The following GRID2IP variants were observed in gnomAD, a reference collection of about 807,000 sequenced individuals.
GRID2IP encodes the protein delphilin.
A neutral mutation model predicts 114.3 loss-of-function variants in GRID2IP; 78 were observed. The observed-to-expected ratio is 0.68, with a 90% confidence interval of 0.57 to 0.82. The LOEUF (loss-of-function observed/expected upper bound fraction) is 0.82. Among genes scored for constraint, GRID2IP ranks in the 40% least tolerant of loss-of-function variants. GRID2IP has a pLI of 0.00. For missense variants in GRID2IP, 1,727 were observed against 1,678.5 expected, an observed-to-expected ratio of 1.03 and a Z score of -0.51; for synonymous variants, 809 against 724.0, an observed-to-expected ratio of 1.12 and a Z score of -1.89.
Position 6,526,099 on chromosome 7 carries a change from C to T in GRID2IP, c.919+125G>A. The T allele has an allele frequency of 1.4e-6, 1 of 712,464 alleles. No individual in the cohort carries two copies. The highest frequency in any genetic ancestry group is 1.6e-5 in the South Asian group (1 of 63,826). The allele number at this position is 712,464 out of a possible 1,614,324, so 44.1% of individuals were successfully genotyped here. ...GGACACGGTCTACACAAGGATGGTACCTGACGTGGAGGGGTTGCTGAGCAG... is the reference window on the plus strand; with the variant it reads ...GGACACGGTCTACACAAGGATGGTATCTGACGTGGAGGGGTTGCTGAGCAG... On this transcript the variant is annotated intron_variant, in intron 4 of 21. Coordinates refer to ENST00000457091, the MANE Select transcript of GRID2IP (RefSeq NM_001145118.2). This position sits in a 1 kb window ranked among gnomAD's most constrained non-coding sequence, Gnocchi z 7.6.
chr7:6,540,253 C>T (rs1779792918), intron 1 of GRID2IP, among the ~76,000 whole-genome samples: 1 of 151,966 alleles, frequency 6.6e-6, no homozygotes, highest in South Asian at 2.1e-4. Context: ...GCTGGGATTA[C>T]AGGCATGCGC....
intron 20 of GRID2IP, among the ~76,000 whole-genome samples, chr7:6,500,963 A>C (rs1242539077): frequency 6.6e-6 from 1 of 152,228 alleles, no homozygotes; most frequent in Admixed American, 6.5e-5. Context: ...TCTGGGCTCC[A>C]CTGCCCCAGA....
chr7:6,521,861 C>A lies in GRID2IP; in HGVS notation c.989+27G>T, dbSNP rs1779418868. Reference sequence around the variant, plus strand: ...GGGGGTGGGGGCAGCTCCTCACCAACCCCTGGTGTCCCCAATAGCCTCTGA... The same window carrying A: ...GGGGGTGGGGGCAGCTCCTCACCAAACCCTGGTGTCCCCAATAGCCTCTGA... On this transcript the variant is annotated intron_variant, in intron 5 of 21. Transcript: ENST00000457091. The surrounding 1 kb of genome is among the most constrained non-coding windows in gnomAD (Gnocchi z 4.1). The A allele has an allele frequency of 6.5e-7, 1 of 1,533,874 alleles. No individual in the cohort carries two copies. The highest frequency in any genetic ancestry group is 8.8e-7 in the Non-Finnish European group (1 of 1,131,028).
At position 6,508,825 on chromosome 7, in the gene GRID2IP, G is replaced by C; in HGVS notation, c.2127+133C>G. On this transcript the variant is annotated intron_variant, in intron 12 of 21. Transcript: ENST00000457091. This position sits in a 1 kb window ranked among gnomAD's most constrained non-coding sequence, Gnocchi z 5.6. ...TGGGGCAAGGGGTGGGATAGCTTGA[G>C]CTAGGGAGTGGGATAGCCTGGGGAA... 4 of 1,366,524 alleles carry C rather than the reference G, an allele frequency of 2.9e-6. No homozygotes were observed. The highest frequency in any genetic ancestry group is 2.6e-5 in the Admixed American group (1 of 37,778). 84.6% of individuals were successfully genotyped at this position (1,366,524 alleles called of 1,614,324 possible).
At chr7:6,522,072 G>A (rs776876733) in intron 4 of GRID2IP, 115 bp from the exon 5 acceptor site, 12 of 808,386 alleles carry the variant, frequency 1.5e-5, no homozygotes, top group Admixed American at 2.2e-5. Flanking sequence ...ATAGCTTGCC[G>A]GGCATGGTGG....
rs1238950269 is a variant in GRID2IP at position 6,551,259 on chromosome 7, G to C, written c.178C>G (p.Leu60Val). The C allele has an allele frequency of 2.6e-5, 40 of 1,535,494 alleles. No individual in the cohort carries two copies. Among genetic ancestry groups the C allele is most frequent in the Non-Finnish European group, 3.5e-5 (40 of 1,145,584 alleles). ...LEVEGLAVGGLSRERLVRLAR... is the reference protein window; with the variant it reads ...LEVEGLAVGGVSRERLVRLAR... ...AGGCGCACGAGGCGCTCGCGGCTCA[G>C]ACCGCCCACCGCCAGCCCCTCCACC... The change falls in exon 1 of 22, where the codon CTG (leucine) becomes GTG (valine). Residue 60 changes from leucine to valine, a missense_variant. Physicochemically the swap from Leu to Val is conservative, Grantham distance 32 (BLOSUM62 1). Transcript: ENST00000457091.
At chr7:6,515,291 C>A (rs973582654) in intron 7 of GRID2IP, among the ~76,000 whole-genome samples, 4 of 151,860 alleles carry the variant, frequency 2.6e-5, no homozygotes, top group African/African-American at 9.7e-5. Flanking sequence ...GTGAAACCCC[C>A]TCTCTACTAA....
In GRID2IP at chr7:6,551,095, G is replaced by C; in HGVS notation, c.342C>G (p.Gly114=). Residue 114 remains glycine (G), a synonymous_variant, in exon 1 of 22, where the codon GGC becomes GGG. Coordinates refer to ENST00000457091, the MANE Select transcript of GRID2IP (RefSeq NM_001145118.2). ...APRCGRGLAL[G]RELLRLAGRK... ...GGCCGGCCAGGCGAAGCAGCTCACG[G>C]CCCAGAGCTAGGCCGCGGCCGCACC... The C allele has an allele frequency of 7.6e-7, 1 of 1,314,246 alleles. No individual in the cohort carries two copies. Among genetic ancestry groups the C allele is most frequent in the South Asian group, 2.1e-5 (1 of 46,944 alleles). The allele number at this position is 1,314,246 out of a possible 1,614,324, so 81.4% of individuals were successfully genotyped here. A position where few individuals can be genotyped will look rare whatever the true frequency, so the allele number is the denominator to read the frequency against.
At chr7:6,535,376 G>C (rs1434174153) in intron 2 of GRID2IP, among the ~76,000 whole-genome samples, 1 of 152,242 alleles carries the variant, frequency 6.6e-6, no homozygotes, top group African/African-American at 2.4e-5. Context: ...TACTGTGCTA[G>C]ATGGCCCAGC....
intron 15 of GRID2IP, among the ~76,000 whole-genome samples, chr7:6,504,156 A>G (rs2115355245): frequency 6.7e-6 from 1 of 149,326 alleles, no homozygotes; most frequent in South Asian, 2.2e-4. Flanking sequence ...CTATGAGGCT[A>G]AACTGAGGCG....
rs1295775821 is a variant in GRID2IP at position 6,508,128 on chromosome 7, G to T, written c.2401C>A (p.Pro801Thr). 4.0e-6 allele frequency: 6 copies of T among 1,507,174 alleles called. No homozygotes were observed. Among genetic ancestry groups the T allele is most frequent in the South Asian group, 3.8e-5 (3 of 78,796 alleles). 93.4% of individuals were successfully genotyped at this position (1,507,174 alleles called of 1,614,324 possible). ...LSHPVPPPPP[P>T]PLPPPVPCAP... ...CAGGGCACGGGTGGGGGCAGGGGCG[G>T]TGGGGGTGGTGGAGGGACTGGGTGG... is the stretch of plus-strand genomic sequence containing the variant. Residue 801 changes from proline to threonine, a missense_variant, in exon 13 of 22, where the codon CCG (proline) becomes ACG (threonine). Pro to Thr is a conservative substitution (Grantham distance 38). Transcript: ENST00000457091. The surrounding 1 kb of genome is among the most constrained non-coding windows in gnomAD (Gnocchi z 5.6).
chr7:6,518,099 G>A lies in GRID2IP; in HGVS notation c.1268+2479C>T, dbSNP rs987693010. ...AAAAAATTAGCTGGGCATGGTAGGC[G>A]AGTGCCTGTAGTCCCAACTACCTGG... On this transcript the variant is annotated intron_variant, in intron 7 of 21. Transcript: ENST00000457091. 3.3e-5 allele frequency among the ~76,000 whole-genome samples: 5 copies of A among 151,508 alleles called. No homozygotes were observed. The East Asian group carries it at 5.8e-4, about 18-fold the overall frequency.
intron 8 of GRID2IP, among the ~76,000 whole-genome samples, chr7:6,512,153 G>A (rs932382471): frequency 5.3e-5 from 8 of 150,472 alleles, no homozygotes; most frequent in African/African-American, 2.0e-4. Context: ...CTAACCTCAG[G>A]TGATCCACCT....
rs1336132639 is a variant in GRID2IP, at chr7:6,523,101, C to T, written c.920-1144G>A. 6.6e-6 allele frequency among the ~76,000 whole-genome samples: 1 copy of T among 152,006 alleles called. No homozygotes were observed. Among genetic ancestry groups the T allele is most frequent in the African/African-American group, 2.4e-5 (1 of 41,380 alleles). ...TTACAGGTGTGAGCCACCACGTAGT[C>T]CTCTTTCTGCCTCTTTTATGAGTCA... On this transcript the variant is annotated intron_variant, in intron 4 of 21. Coordinates refer to ENST00000457091, the MANE Select transcript of GRID2IP (RefSeq NM_001145118.2). The surrounding 1 kb of genome is among the most constrained non-coding windows in gnomAD (Gnocchi z 4.5).
intron 8 of GRID2IP, among the ~76,000 whole-genome samples, chr7:6,513,947 CAAA>C (rs35124535): frequency 1.8e-3 from 84 of 47,530 alleles, no homozygotes; most frequent in African/African-American, 7.5e-3. Flanking sequence ...GACTCCGTCT[CAAA>C]AAAAAAAAAA....
At position 6,508,988 on chromosome 7, in the gene GRID2IP, A is replaced by G. The variant is rs1786679316; in HGVS notation, c.2097T>C (p.Asp699=). Reference sequence around the variant, plus strand: ...CGTAGTCGTTCTCCGGGGTCAGGAAATCATCCACGATGGTGACCCGGGGGC... The same window carrying G: ...CGTAGTCGTTCTCCGGGGTCAGGAAGTCATCCACGATGGTGACCCGGGGGC... ...QLGPRVTIVD[D]FLTPENDYEE... Residue 699 remains aspartate (D), a synonymous_variant, in exon 12 of 22, where the codon GAT becomes GAC. Coordinates refer to ENST00000457091, the MANE Select transcript of GRID2IP (RefSeq NM_001145118.2). This position sits in a 1 kb window ranked among gnomAD's most constrained non-coding sequence, Gnocchi z 5.6. The G allele has an allele frequency of 2.6e-6, 4 of 1,548,202 alleles. No individual in the cohort carries two copies. Among genetic ancestry groups the G allele is most frequent in the Non-Finnish European group, 2.6e-6 (3 of 1,146,702 alleles).
At chr7:6,529,160 G>A (rs1442166804) in intron 2 of GRID2IP, among the ~76,000 whole-genome samples, 1 of 152,122 alleles carries the variant, frequency 6.6e-6, no homozygotes, top group Non-Finnish European at 1.5e-5. Context: ...AACTAGAAAA[G>A]GCCCTGTCGT....
intron 1 of GRID2IP, among the ~76,000 whole-genome samples, chr7:6,542,575 T>C (rs1258303208): frequency 6.6e-6 from 1 of 152,082 alleles, no homozygotes; most frequent in East Asian, 1.9e-4. Context: ...AGAGGATCAC[T>C]TGAGCTCAGG....
At chr7:6,544,382 C>T (rs1200628704) in intron 1 of GRID2IP, among the ~76,000 whole-genome samples, 1 of 151,802 alleles carries the variant, frequency 6.6e-6, no homozygotes, top group African/African-American at 2.4e-5. Context: ...CGGGTTCAAG[C>T]GACGCTCCTG....
Sources: gnomAD v4.1 joint callset for allele counts (sites outside exome capture counted in the v4.1 genomes callset) on GRCh38, gnomAD v4.1.1 for gene constraint, Gnocchi (gnomAD v3.1) non-coding constraint, MANE v1.5 for transcripts, NCBI Gene and HGNC (gene_info 2026-07-23, HGNC 2026-07-21) for gene names.